Variants in CIMAP3 observed in about 807,000 individuals in gnomAD.
The protein encoded by CIMAP3 is ciliary microtubule-associated protein 3.
the CIMAP3 span, among the ~76,000 whole-genome samples, chr1:111,340,774 T>G: frequency 4.5e-4 from 69 of 152,074 alleles, 1 homozygote; most frequent in African/African-American, 1.6e-3. Flanking sequence ...GTAAACTAGT[T>G]CAACCATTGT....
chr1:111,346,646 G>C, the CIMAP3 span: 1 of 1,614,090 alleles, frequency 6.2e-7, no homozygotes, highest in Non-Finnish European at 8.5e-7. Context: ...AGCCCTAGCA[G>C]CTCGCGATGT....
chr1:111,333,922 T>A, the CIMAP3 span, among the ~76,000 whole-genome samples: 1 of 152,228 alleles, frequency 6.6e-6, no homozygotes, highest in African/African-American at 2.4e-5. Context: ...GCCTGGTCTG[T>A]CATTCTCATT....
the CIMAP3 span, among the ~76,000 whole-genome samples, chr1:111,332,810 C>G: frequency 2.0e-5 from 3 of 152,134 alleles, no homozygotes; most frequent in Non-Finnish European, 4.4e-5. Flanking sequence ...GTTTCTGAGG[C>G]CCAGAACATG....
chr1:111,334,282 G>A, the CIMAP3 span, among the ~76,000 whole-genome samples: 2 of 152,218 alleles, frequency 1.3e-5, no homozygotes, highest in Non-Finnish European at 2.9e-5. Context: ...AAATCTCAGA[G>A]AGAAAAGTGG....
chr1:111,334,438 C>G, the CIMAP3 span, among the ~76,000 whole-genome samples: 1 of 152,074 alleles, frequency 6.6e-6, no homozygotes. Flanking sequence ...ACCAAACAAG[C>G]CAGACAGAGA....
the CIMAP3 span, among the ~76,000 whole-genome samples, chr1:111,327,405 T>C: frequency 6.6e-6 from 1 of 152,146 alleles, no homozygotes; most frequent in Non-Finnish European, 1.5e-5. Context: ...TCCTCAATTT[T>C]TTGGAATCAT....
At chr1:111,332,589 C>G in the CIMAP3 span, among the ~76,000 whole-genome samples, 805 of 152,260 alleles carry the variant, frequency 5.3e-3, 6 homozygotes, top group African/African-American at 0.018. Context: ...TTGAGGTGAT[C>G]TGTGGGGCTG....
At chr1:111,346,553 G>T in the CIMAP3 span, 2 of 1,588,348 alleles carry the variant, frequency 1.3e-6, no homozygotes, top group African/African-American at 2.7e-5. Flanking sequence ...GGCGCGCTCG[G>T]GCCCTCTCCC....
At chr1:111,351,495 A>G in the CIMAP3 span, 1 of 530,756 alleles carries the variant, frequency 1.9e-6, no homozygotes, top group Non-Finnish European at 3.3e-6. Context: ...AGACTAGTGC[A>G]CAGTGCTATC....
At chr1:111,343,905 A>C in the CIMAP3 span, among the ~76,000 whole-genome samples, 5 of 152,152 alleles carry the variant, frequency 3.3e-5, no homozygotes, top group African/African-American at 1.2e-4. Context: ...TTACCTAAGA[A>C]GTCAAGCATT....
the CIMAP3 span, among the ~76,000 whole-genome samples, chr1:111,325,345 C>T: frequency 4.6e-5 from 7 of 152,172 alleles, no homozygotes; most frequent in Admixed American, 2.0e-4. Flanking sequence ...TAGTCAATGA[C>T]AGACTAATAC....
At chr1:111,351,931 G>C in the CIMAP3 span, 1 of 152,236 alleles carries the variant, frequency 6.6e-6, no homozygotes, top group South Asian at 2.1e-4. Context: ...GTGTTGAGCA[G>C]AGCAGTAAGC....
chr1:111,332,015 T>A, the CIMAP3 span, among the ~76,000 whole-genome samples: 1 of 152,110 alleles, frequency 6.6e-6, no homozygotes, highest in African/African-American at 2.4e-5. Context: ...GCTGAGAGAA[T>A]TGGTGGCAAT....
the CIMAP3 span, chr1:111,352,050 C>T: frequency 2.0e-5 from 3 of 152,124 alleles, no homozygotes; most frequent in African/African-American, 7.2e-5. Context: ...GTCTGCCCTC[C>T]AATCTGAATG....
the CIMAP3 span, chr1:111,351,166 G>GTTGT: frequency 1.7e-6 from 1 of 574,738 alleles, no homozygotes; most frequent in Admixed American, 3.3e-5. Flanking sequence ...ATAATGTACA[G>GTTGT]TTTTTTTTTT....
At chr1:111,346,571 G>T in the CIMAP3 span, 2 of 1,601,190 alleles carry the variant, frequency 1.2e-6, no homozygotes, top group Non-Finnish European at 1.7e-6. Context: ...CCCCCTCCCC[G>T]CGCTCCGCAG....
the CIMAP3 span, chr1:111,346,200 C>T: frequency 6.4e-6 from 1 of 155,948 alleles, no homozygotes; most frequent in Non-Finnish European, 1.4e-5. Flanking sequence ...AACTAGCTGT[C>T]AGCTCAACTC....
chr1:111,328,666 C>G, the CIMAP3 span, among the ~76,000 whole-genome samples: 3 of 152,106 alleles, frequency 2.0e-5, no homozygotes, highest in African/African-American at 7.2e-5. Context: ...AATTAAGAGG[C>G]AACTCCTCCT....
At chr1:111,343,313 C>G in the CIMAP3 span, among the ~76,000 whole-genome samples, 1 of 152,100 alleles carries the variant, frequency 6.6e-6, no homozygotes, top group Admixed American at 6.5e-5. Flanking sequence ...TTAAATTAGA[C>G]CATTGCAACA....
Sources: gnomAD v4.1 joint callset for allele counts (sites outside exome capture counted in the v4.1 genomes callset) on GRCh38, gnomAD v4.1.1 for gene constraint, MANE v1.5 for transcripts, NCBI Gene and HGNC (gene_info 2026-07-23, HGNC 2026-07-21) for gene names.